Variants in XNDC1N observed in about 807,000 individuals in gnomAD.
XNDC1N encodes XRCC1 N-terminal domain containing 1, N-terminal like.
chr11:71,895,757 G>T, the XNDC1N span, among the ~76,000 whole-genome samples: 1 of 152,188 alleles, frequency 6.6e-6, no homozygotes, highest in African/African-American at 2.4e-5. Context: ...CAGTATCCCT[G>T]AAGTTTCACA....
At chr11:71,872,658 G>A in the XNDC1N span, among the ~76,000 whole-genome samples, 1 of 152,242 alleles carries the variant, frequency 6.6e-6, no homozygotes, top group South Asian at 2.1e-4. Flanking sequence ...AACCTGGGAG[G>A]TGGAGCTTGC....
At chr11:71,889,452 C>A in the XNDC1N span, among the ~76,000 whole-genome samples, 4 of 152,192 alleles carry the variant, frequency 2.6e-5, no homozygotes, top group Non-Finnish European at 5.9e-5. Context: ...TGATCTGGGA[C>A]CTACTTCTTC....
At chr11:71,913,340 T>G in the XNDC1N span, among the ~76,000 whole-genome samples, 1 of 151,684 alleles carries the variant, frequency 6.6e-6, no homozygotes, top group African/African-American at 2.4e-5. Context: ...CCCTGCGATA[T>G]TGGGAGTAAG....
the XNDC1N span, among the ~76,000 whole-genome samples, chr11:71,894,879 A>G: frequency 6.6e-6 from 1 of 152,238 alleles, no homozygotes; most frequent in Non-Finnish European, 1.5e-5. Flanking sequence ...GAGACTTTCA[A>G]AGATGTTAAG....
the XNDC1N span, chr11:71,903,116 T>C: frequency 1.6e-6 from 1 of 624,594 alleles, no homozygotes; most frequent in African/African-American, 1.8e-5. Context: ...GCAGACACAA[T>C]GCTGGGTATT....
chr11:71,916,883 G>A, the XNDC1N span: 1 of 155,918 alleles, frequency 6.4e-6, no homozygotes, highest in Non-Finnish European at 1.4e-5. Context: ...AGTGCCTAGT[G>A]AACAGAGATT....
chr11:71,892,669 C>T, the XNDC1N span, among the ~76,000 whole-genome samples: 1 of 151,788 alleles, frequency 6.6e-6, no homozygotes, highest in South Asian at 2.1e-4. Context: ...TTACCAGCCA[C>T]CATGCCCGGC....
At chr11:71,910,556 G>A in the XNDC1N span, among the ~76,000 whole-genome samples, 1 of 152,186 alleles carries the variant, frequency 6.6e-6, no homozygotes, top group Non-Finnish European at 1.5e-5. Flanking sequence ...ACCTTCTGCT[G>A]GGACACCCCA....
the XNDC1N span, among the ~76,000 whole-genome samples, chr11:71,866,721 G>A: frequency 6.7e-4 from 102 of 151,582 alleles, 1 homozygote; most frequent in South Asian, 3.8e-3. Flanking sequence ...CCGAGATTGC[G>A]CCACTGTACT....
the XNDC1N span, chr11:71,928,550 A>C: frequency 1.4e-6 from 1 of 702,546 alleles, no homozygotes; most frequent in East Asian, 2.7e-5. Flanking sequence ...AGTCCTACCG[A>C]GGCAAGATGG....
chr11:71,905,207 C>A, the XNDC1N span, among the ~76,000 whole-genome samples: 1 of 151,910 alleles, frequency 6.6e-6, no homozygotes, highest in Non-Finnish European at 1.5e-5. Context: ...TAGGATCTTA[C>A]GAATATTATC....
At chr11:71,899,841 G>A in the XNDC1N span, among the ~76,000 whole-genome samples, 1 of 152,216 alleles carries the variant, frequency 6.6e-6, no homozygotes, top group Non-Finnish European at 1.5e-5. Context: ...AAAGAGGAAA[G>A]CCTCTTGCAG....
the XNDC1N span, among the ~76,000 whole-genome samples, chr11:71,906,465 C>T: frequency 6.6e-6 from 1 of 152,000 alleles, no homozygotes; most frequent in Non-Finnish European, 1.5e-5. Flanking sequence ...AGTCACATCC[C>T]CCGAGGATAT....
the XNDC1N span, chr11:71,903,446 G>T: frequency 9.5e-6 from 9 of 952,226 alleles, no homozygotes; most frequent in Non-Finnish European, 1.5e-5. Flanking sequence ...TGGACATCCA[G>T]TCTCACAGCA....
the XNDC1N span, among the ~76,000 whole-genome samples, chr11:71,902,034 A>C: frequency 6.6e-6 from 1 of 152,110 alleles, no homozygotes; most frequent in African/African-American, 2.4e-5. Flanking sequence ...TGTAAGAGGA[A>C]CAAGTGAGTC....
chr11:71,889,015 C>A, the XNDC1N span, among the ~76,000 whole-genome samples: 2 of 152,296 alleles, frequency 1.3e-5, no homozygotes, highest in Admixed American at 1.3e-4. Flanking sequence ...GCTTCTTCAA[C>A]CCCCAAGGAG....
chr11:71,922,024 G>T, the XNDC1N span, among the ~76,000 whole-genome samples: 1 of 152,118 alleles, frequency 6.6e-6, no homozygotes, highest in Non-Finnish European at 1.5e-5. Context: ...GCTGGGCATG[G>T]TGGTATGTGC....
chr11:71,926,252 A>G, the XNDC1N span: 5 of 152,346 alleles, frequency 3.3e-5, no homozygotes, highest in Admixed American at 6.5e-5. Flanking sequence ...CCTGGGAGAC[A>G]GTGAAACCCT....
chr11:71,923,429 C>G, the XNDC1N span: 1 of 697,934 alleles, frequency 1.4e-6, no homozygotes, highest in Middle Eastern at 2.3e-4. Context: ...TACTTTGGCA[C>G]TGACTATGTG....
Sources: allele counts gnomAD v4.1 joint callset (sites outside exome capture counted in the v4.1 genomes callset), GRCh38; gene constraint gnomAD v4.1.1; transcripts MANE v1.5; gene names NCBI Gene and HGNC (gene_info 2026-07-23, HGNC 2026-07-21).